Variants in XYLT1 observed in about 807,000 individuals in gnomAD.
The protein encoded by XYLT1 is beta-D-xylosyltransferase 1.
Under a neutral mutation model 91.3 loss-of-function variants are expected in XYLT1, and 36 were observed. That is an observed-to-expected ratio of 0.39 (90% CI 0.30 to 0.52). XYLT1 has a LOEUF of 0.52. XYLT1 is among the 20% of genes least tolerant of loss of function. The pLI, the probability that XYLT1 is intolerant of heterozygous loss-of-function variation, is 0.68. For synonymous variants in XYLT1, 588 were observed against 532.0 expected (o/e 1.11, Z -1.45); for missense variants, 1,242 against 1,284.5 (o/e 0.97, Z 0.51).
intron 2 of XYLT1, among the ~76,000 whole-genome samples, chr16:17,274,651 G>A (rs1266768703): frequency 6.6e-6 from 1 of 152,144 alleles, no homozygotes; most frequent in Non-Finnish European, 1.5e-5. Context: ...TGGGGTCCAA[G>A]GAGAATGGAG....
At chr16:17,180,787 C>A (rs2032050498) in intron 5 of XYLT1, among the ~76,000 whole-genome samples, 1 of 152,186 alleles carries the variant, frequency 6.6e-6, no homozygotes, top group African/African-American at 2.4e-5. Context: ...CCTTCATGGG[C>A]CTGCTTCACC....
intron 2 of XYLT1, among the ~76,000 whole-genome samples, chr16:17,289,433 C>T (rs894791804): frequency 3.3e-5 from 5 of 152,152 alleles, no homozygotes; most frequent in Non-Finnish European, 7.3e-5. Context: ...ATGTTCTACC[C>T]TGAGACATGT....
intron 10 of XYLT1, among the ~76,000 whole-genome samples, chr16:17,121,752 C>G (rs530833001): frequency 6.6e-6 from 1 of 152,122 alleles, no homozygotes; most frequent in South Asian, 2.1e-4. Context: ...CTATATCCCC[C>G]AACCCTTGCC....
chr16:17,450,689 T>C (rs7187239), intron 1 of XYLT1, among the ~76,000 whole-genome samples: 8,673 of 152,248 alleles, frequency 0.057, 343 homozygotes, highest in African/African-American at 0.099. Flanking sequence ...GGAATCCAGG[T>C]ATCCTGACTC....
chr16:17,455,185 G>T (rs1596555032), intron 1 of XYLT1, among the ~76,000 whole-genome samples: 1 of 152,148 alleles, frequency 6.6e-6, no homozygotes, highest in African/African-American at 2.4e-5. Context: ...GAGTGGACGT[G>T]GCCGGGATCC....
At chr16:17,232,101 A>T (rs1378454484) in intron 3 of XYLT1, among the ~76,000 whole-genome samples, 2 of 146,200 alleles carry the variant, frequency 1.4e-5, no homozygotes, top group African/African-American at 5.0e-5. Flanking sequence ...CTATTATTAT[A>T]TATAATCGAT....
chr16:17,408,508 C>T (rs1567192591), intron 1 of XYLT1, among the ~76,000 whole-genome samples: 2 of 152,208 alleles, frequency 1.3e-5, no homozygotes, highest in African/African-American at 2.4e-5. Flanking sequence ...ATTCAAGCCT[C>T]GTTGCCTAGC....
At chr16:17,264,561 C>G (rs2033772996) in intron 2 of XYLT1, among the ~76,000 whole-genome samples, 1 of 152,228 alleles carries the variant, frequency 6.6e-6, no homozygotes, top group Admixed American at 6.5e-5. Flanking sequence ...TCTGTCCTTT[C>G]TGTGGAGACT....
In XYLT1 at chr16:17,259,217, G is replaced by T; in HGVS notation, c.684C>A (p.Ser228Arg). Reference sequence around the variant, plus strand: ...GCGGTCTGGACACATCCTTCCCGTGGCTGCTGTTGGCTGCGGCTCTGTCCC... The same window carrying T: ...GCGGTCTGGACACATCCTTCCCGTGTCTGCTGTTGGCTGCGGCTCTGTCCC... ...PPGDRAAANS[S>R]HGKDVSRPPH... The change falls in exon 3 of 12, where the codon AGC becomes AGA. Residue 228 changes from serine (S) to arginine (R), a missense_variant. Transcript: ENST00000261381. The T allele has an allele frequency of 6.2e-7, 1 of 1,613,886 alleles. No homozygotes were observed. The highest frequency in any genetic ancestry group is 8.5e-7 in the Non-Finnish European group (1 of 1,179,952).
intron 3 of XYLT1, among the ~76,000 whole-genome samples, chr16:17,232,446 TATAC>T (rs1356661717): frequency 1.6e-5 from 2 of 126,798 alleles, no homozygotes; most frequent in African/African-American, 5.5e-5. Context: ...TATATATATA[TATAC>T]ATATATATAT....
chr16:17,236,703 T>G (rs912878047), intron 3 of XYLT1, among the ~76,000 whole-genome samples: 4 of 152,204 alleles, frequency 2.6e-5, no homozygotes, highest in Non-Finnish European at 4.4e-5. Flanking sequence ...TTCTGGCTCC[T>G]AGGGAATTGC....
intron 5 of XYLT1, among the ~76,000 whole-genome samples, chr16:17,168,413 G>A (rs992473150): frequency 1.3e-5 from 2 of 152,096 alleles, no homozygotes; most frequent in African/African-American, 4.8e-5. Context: ...ACATGAAAAT[G>A]GGAACAAACA....
chr16:17,117,198 G>GA (rs1467828061), intron 11 of XYLT1, among the ~76,000 whole-genome samples: 1 of 152,190 alleles, frequency 6.6e-6, no homozygotes, highest in Non-Finnish European at 1.5e-5. Flanking sequence ...TATAAATTCT[G>GA]AACATGAGTA....
chr16:17,214,540 T>C (rs570254247), intron 3 of XYLT1, among the ~76,000 whole-genome samples: 6 of 152,302 alleles, frequency 3.9e-5, no homozygotes, highest in Admixed American at 1.3e-4. Flanking sequence ...TAACAAGTGA[T>C]GGTGTTTTAC....
At chr16:17,416,458 G>A (rs894267818) in intron 1 of XYLT1, among the ~76,000 whole-genome samples, 20 of 152,296 alleles carry the variant, frequency 1.3e-4, no homozygotes, top group Admixed American at 5.9e-4. Context: ...TTCCTCACAC[G>A]GGGCCTGAGA....
intron 1 of XYLT1, among the ~76,000 whole-genome samples, chr16:17,393,034 C>A (rs1212573684): frequency 6.6e-6 from 1 of 152,144 alleles, no homozygotes; most frequent in Non-Finnish European, 1.5e-5. Context: ...TTCTTTCCTT[C>A]CTCCTTCCCC....
chr16:17,303,164 A>G (rs2034422377), intron 2 of XYLT1, among the ~76,000 whole-genome samples: 1 of 152,224 alleles, frequency 6.6e-6, no homozygotes. Context: ...ACAATGATGT[A>G]AAAAATAATG....
intron 2 of XYLT1, among the ~76,000 whole-genome samples, chr16:17,321,904 T>TG (rs1341040517): frequency 1.2e-4 from 19 of 152,144 alleles, no homozygotes; most frequent in African/African-American, 3.6e-4. Context: ...GGAGCTATCT[T>TG]TTCTGTGAAC....
At position 17,134,726 on chromosome 16, in the gene XYLT1, G is replaced by T. The variant is rs1420433386; in HGVS notation, c.1774C>A (p.Arg592=). 1 of 1,614,012 alleles carries T rather than the reference G, an allele frequency of 6.2e-7. No homozygotes were observed. Among genetic ancestry groups the T allele is most frequent in the African/African-American group, 1.3e-5 (1 of 74,914 alleles). ...QDFHRFQQTA[R]PTFFARKFEA... ...AACTTGCGGGCAAAGAAGGTAGGCC[G>T]GGCTGTCTGCTGTACTCATGGGATT... The change falls in exon 9 of 12, where the codon CGG becomes AGG. Residue 592 remains arginine (R), a synonymous_variant. Coordinates refer to ENST00000261381, the MANE Select transcript of XYLT1 (RefSeq NM_022166.4).
Sources: allele counts gnomAD v4.1 joint callset (sites outside exome capture counted in the v4.1 genomes callset), GRCh38; gene constraint gnomAD v4.1.1; transcripts MANE v1.5; gene names NCBI Gene and HGNC (gene_info 2026-07-23, HGNC 2026-07-21).